CNKSR2: variants seen among roughly 807,000 people sequenced by gnomAD.
CNKSR2 encodes CNK homolog protein 2.
Under a neutral mutation model 84.4 loss-of-function variants are expected in CNKSR2, and 14 were observed. The observed-to-expected ratio is 0.17, with a 90% confidence interval of 0.11 to 0.26. CNKSR2 has a LOEUF of 0.26. Ranked by LOEUF, CNKSR2 falls within the 10% of genes least tolerant of loss-of-function variation. The pLI is 1.00. For synonymous variants in CNKSR2, 275 were observed against 277.9 expected (o/e 0.99, Z 0.10); for missense variants, 485 against 771.2 (o/e 0.63, Z 4.40).
At chrX:21,562,980 G>C (rs1236586364) in intron 12 of CNKSR2, among the ~76,000 whole-genome samples, 1 of 111,356 alleles carries the variant, frequency 9.0e-6, no homozygotes, top group Non-Finnish European at 1.9e-5. Flanking sequence ...TCTATCGACT[G>C]TCTATTTTTT....
intron 1 of CNKSR2, among the ~76,000 whole-genome samples, chrX:21,376,433 ATTAT>A (rs1180783451): frequency 8.9e-6 from 1 of 111,999 alleles, no homozygotes; most frequent in African/African-American, 3.3e-5. Context: ...AACCTAATAC[ATTAT>A]TTATCGACTG....
chrX:21,590,250 T>A (rs2092412493), intron 13 of CNKSR2, among the ~76,000 whole-genome samples: 1 of 111,989 alleles, frequency 8.9e-6, no homozygotes, highest in Admixed American at 9.5e-5. Context: ...TGAGATACTG[T>A]CTGGCAAACC....
rs1555910428 is a variant in CNKSR2 at position 21,374,624 on chromosome X, A to AGCAGCC, written c.-269_-268insCGCAGC. Reference sequence around the variant, plus strand: ...CAGCAGCAGCAGCAGCAGCAGCAGCAGCAGCAGCCGCCGCCGCCGCCGCCT... The same window carrying AGCAGCC: ...CAGCAGCAGCAGCAGCAGCAGCAGCAGCAGCCGCAGCAGCCGCCGCCGCCGCCGCCT... On this transcript the variant is annotated 5_prime_UTR_variant, in exon 1 of 22. Coordinates refer to ENST00000379510, the MANE Select transcript of CNKSR2 (RefSeq NM_014927.5). 2.0e-6 allele frequency: 1 copy of AGCAGCC among 510,139 alleles called. No homozygotes were observed. Among genetic ancestry groups the AGCAGCC allele is most frequent in the Non-Finnish European group, 3.4e-6 (1 of 291,348 alleles). The allele number at this position is 510,139 out of a possible 1,213,427, so 42.0% of individuals were successfully genotyped here.
At chrX:21,508,999 TGTA>T (rs1203753216) in intron 8 of CNKSR2, among the ~76,000 whole-genome samples, 2 of 112,019 alleles carry the variant, frequency 1.8e-5, no homozygotes, top group East Asian at 5.7e-4. Flanking sequence ...GCTAGCTTCT[TGTA>T]GTGTTTGAGT....
chrX:21,565,695 C>T (rs1310302071), intron 13 of CNKSR2, among the ~76,000 whole-genome samples: 1 of 110,972 alleles, frequency 9.0e-6, no homozygotes, highest in Non-Finnish European at 1.9e-5. Flanking sequence ...ACTCTGTTCT[C>T]AGGTTTAGAA....
At chrX:21,420,789 C>T (rs746273418) in intron 1 of CNKSR2, among the ~76,000 whole-genome samples, 14 of 110,209 alleles carry the variant, frequency 1.3e-4, no homozygotes, top group Non-Finnish European at 2.5e-4. Flanking sequence ...CTGTTTTCTC[C>T]TCAAGCGGAA....
intron 5 of CNKSR2, among the ~76,000 whole-genome samples, chrX:21,482,098 G>C (rs923323336): frequency 9.0e-6 from 1 of 111,349 alleles, no homozygotes; most frequent in Non-Finnish European, 1.9e-5. Context: ...ACCTAATACA[G>C]TATCATTAAT....
rs766533530 is a variant in CNKSR2 at position 21,542,414 on chromosome X, G to A, written c.1303+10347G>A. On this transcript the variant is annotated intron_variant, in intron 11 of 21. Transcript: ENST00000379510. ...ATTTAATGGTAAGACATTGTAAATT[G>A]CCTCAGTGCCCAGTATGTTGGGTCT... is the stretch of plus-strand genomic sequence containing the variant. Among the ~76,000 whole-genome samples the A allele has an allele frequency of 4.5e-5, 5 of 112,107 alleles. No individual in the cohort carries two copies. In the South Asian group the frequency reaches 1.1e-3, roughly 25 times the overall value.
In CNKSR2 at chrX:21,497,776, C is replaced by G. The variant is rs1287817582; in HGVS notation, c.682-11C>G. The stretch of plus-strand genomic sequence containing the variant: ...GCTTCACTTTCTTTTCTGATGCTGT[C>G]TTTTTCTTAGGGTATGTATATTAAA... On this transcript the variant is annotated splice_polypyrimidine_tract_variant and intron_variant, in intron 6 of 21. Coordinates refer to ENST00000379510, the MANE Select transcript of CNKSR2 (RefSeq NM_014927.5). 4.8e-6 allele frequency: 4 copies of G among 827,991 alleles called. No individual in the cohort carries two copies. In the South Asian group the frequency reaches 6.4e-5, roughly 13 times the overall value. 68.2% of individuals were successfully genotyped at this position (827,991 alleles called of 1,213,427 possible). A position where few individuals can be genotyped will look rare whatever the true frequency, so the allele number is the denominator to read the frequency against.
chrX:21,550,106 G>T (rs1308299329), intron 11 of CNKSR2, among the ~76,000 whole-genome samples: 1 of 111,922 alleles, frequency 8.9e-6, no homozygotes, highest in East Asian at 2.8e-4. Flanking sequence ...GACAGGAAAA[G>T]AAACTATCAT....
chrX:21,517,274 A>G (rs1017670568), intron 9 of CNKSR2, among the ~76,000 whole-genome samples: 1 of 109,990 alleles, frequency 9.1e-6, no homozygotes, highest in South Asian at 4.0e-4. Context: ...AGTCCCAGCT[A>G]TGTGGGAGGC....
At chrX:21,389,193 G>A (rs1434340242) in intron 1 of CNKSR2, among the ~76,000 whole-genome samples, 1 of 104,988 alleles carries the variant, frequency 9.5e-6, no homozygotes, top group Non-Finnish European at 1.9e-5. Flanking sequence ...ACCAGAAAAG[G>A]CTAAGGAGAC....
intron 9 of CNKSR2, among the ~76,000 whole-genome samples, chrX:21,522,647 G>A (rs1320191671): frequency 9.0e-6 from 1 of 110,676 alleles, no homozygotes; most frequent in East Asian, 2.8e-4. Flanking sequence ...TTCTATATGT[G>A]CTCAGTTACC....
At chrX:21,473,847 C>T (rs552468554) in intron 5 of CNKSR2, among the ~76,000 whole-genome samples, 3 of 102,043 alleles carry the variant, frequency 2.9e-5, no homozygotes, top group African/African-American at 7.4e-5. Flanking sequence ...CCCGGGTTCA[C>T]GCCATTCCCC....
chrX:21,550,215 C>T (rs768195810), intron 11 of CNKSR2, among the ~76,000 whole-genome samples: 1 of 111,665 alleles, frequency 9.0e-6, no homozygotes, highest in East Asian at 2.8e-4. Flanking sequence ...CTTAATTAAA[C>T]AAATGTACAA....
chrX:21,388,135 G>A (rs376516200), intron 1 of CNKSR2, among the ~76,000 whole-genome samples: 2 of 111,261 alleles, frequency 1.8e-5, no homozygotes, highest in Non-Finnish European at 1.9e-5. Context: ...TCCTGACCTC[G>A]TGATCCGCCC....
At chrX:21,505,008 G>A (rs993680948) in intron 8 of CNKSR2, 10 of 273,541 alleles carry the variant, frequency 3.7e-5, no homozygotes, top group Admixed American at 2.6e-4. Context: ...GAGATACCTC[G>A]GCATAGTTTG....
At chrX:21,636,063 A>G (rs1176288538) in intron 20 of CNKSR2, among the ~76,000 whole-genome samples, 1 of 111,411 alleles carries the variant, frequency 9.0e-6, no homozygotes, top group Admixed American at 9.6e-5. Flanking sequence ...AGAACCTATT[A>G]AAGGAAATAG....
chrX:21,485,548 T>A (rs2091374904), intron 5 of CNKSR2, among the ~76,000 whole-genome samples: 1 of 111,016 alleles, frequency 9.0e-6, no homozygotes, highest in Non-Finnish European at 1.9e-5. Flanking sequence ...ATGTATTATA[T>A]TCATATTTGA....
Sources: gnomAD v4.1 joint callset for allele counts (sites outside exome capture counted in the v4.1 genomes callset) on GRCh38, gnomAD v4.1.1 for gene constraint, MANE v1.5 for transcripts, NCBI Gene and HGNC (gene_info 2026-07-23, HGNC 2026-07-21) for gene names.